Variants in LYRM7 observed in about 807,000 individuals in gnomAD.
LYRM7 encodes LYR motif containing 7.
A neutral mutation model predicts 15.8 loss-of-function variants in LYRM7; 9 were observed. The ratio of observed to expected loss-of-function variants is 0.57; its 90% confidence interval spans 0.34 to 0.99. The LOEUF (loss-of-function observed/expected upper bound fraction) is 0.99, where lower values mean the gene tolerates loss of function less well. Ranked by LOEUF, LYRM7 falls within the 50% of genes least tolerant of loss-of-function variation. LYRM7 has a pLI of 0.02. For missense variants in LYRM7, 115 were observed against 119.1 expected (o/e 0.97, Z 0.16); for synonymous variants, 39 against 39.4 (o/e 0.99, Z 0.04).
At chr5:131,183,123 T>C (rs937830719) in intron 3 of LYRM7, among the ~76,000 whole-genome samples, 2 of 151,538 alleles carry the variant, frequency 1.3e-5, no homozygotes, top group African/African-American at 2.4e-5. Flanking sequence ...TCCAGATGTT[T>C]AAAAAAAACT....
chr5:131,174,891 C>A (rs909902814), intron 1 of LYRM7, among the ~76,000 whole-genome samples: 2 of 152,056 alleles, frequency 1.3e-5, no homozygotes, highest in African/African-American at 4.8e-5. Context: ...CCTTGACCTG[C>A]GGGGCTGCAA....
chr5:131,199,917 T>C lies in LYRM7; in HGVS notation c.*316T>C, dbSNP rs1325661849. 1.2e-5 allele frequency: 2 copies of C among 170,306 alleles called. No homozygotes were observed. The highest frequency in any genetic ancestry group is 3.0e-4 in the East Asian group (2 of 6,620). 10.5% of individuals were successfully genotyped at this position (170,306 alleles called of 1,614,324 possible). A position where few individuals can be genotyped will look rare whatever the true frequency, so the allele number is the denominator to read the frequency against. ...TGAGTATTTGATCTTACCATAGCTA[T>C]TTGAGAATGTGGTGCTTTTACAAAT... On this transcript the variant is annotated 3_prime_UTR_variant, in exon 5 of 5. Coordinates refer to ENST00000379380, the MANE Select transcript of LYRM7 (RefSeq NM_181705.4).
Position 131,182,280 on chromosome 5 carries a change from C to T in LYRM7, c.143C>T (p.Ser48Phe), listed in dbSNP as rs767824191. ...EEFKNNKSET[S>F]SKKIEELMKI... The stretch of plus-strand genomic sequence containing the variant: ...TTCAAAAATAATAAAAGTGAAACTT[C>T]TTCTAAGAAAATAGAAGAGGTACAG... The change falls in exon 3 of 5, where the codon TCT (serine) becomes TTT (phenylalanine). Residue 48 changes from serine to phenylalanine, a missense_variant. Ser to Phe is a radical substitution (Grantham distance 155, BLOSUM62 -2). Transcript: ENST00000379380. 7.0e-7 allele frequency: 1 copy of T among 1,420,838 alleles called. No homozygotes were observed. Among genetic ancestry groups the T allele is most frequent in the South Asian group, 1.3e-5 (1 of 78,896 alleles). The allele number at this position is 1,420,838 out of a possible 1,614,324, so 88.0% of individuals were successfully genotyped here. A position where few individuals can be genotyped will look rare whatever the true frequency, so the allele number is the denominator to read the frequency against.
At chr5:131,180,787 T>G (rs907827922) in intron 2 of LYRM7, among the ~76,000 whole-genome samples, 1 of 152,196 alleles carries the variant, frequency 6.6e-6, no homozygotes, top group Non-Finnish European at 1.5e-5. Flanking sequence ...ATGTATTGTA[T>G]TATATGTACT....
At chr5:131,198,843 T>C (rs1400719682) in intron 4 of LYRM7, among the ~76,000 whole-genome samples, 1 of 151,974 alleles carries the variant, frequency 6.6e-6, no homozygotes, top group Admixed American at 6.6e-5. Flanking sequence ...AGTTCTAGGA[T>C]TACAGCCGTG....
At chr5:131,192,567 A>G (rs2149664945) in intron 4 of LYRM7, among the ~76,000 whole-genome samples, 1 of 152,330 alleles carries the variant, frequency 6.6e-6, no homozygotes, top group South Asian at 2.1e-4. Flanking sequence ...TAAAAATAAT[A>G]AAAGGAAAAC....
At position 131,203,342 on chromosome 5, in the gene LYRM7, G is replaced by A. The variant is rs899079889; in HGVS notation, c.*3741G>A. 6 of 152,210 alleles carry A rather than the reference G, an allele frequency of 3.9e-5. No homozygotes were observed. The highest frequency in any genetic ancestry group is 1.2e-4 in the African/African-American group (5 of 41,454). The allele number at this position is 152,210 out of a possible 1,614,324, so 9.4% of individuals were successfully genotyped here. On this transcript the variant is annotated 3_prime_UTR_variant, in exon 5 of 5. Transcript: ENST00000379380. ...AATAAGCTATAACACTTAAAAAGGA[G>A]AGATATACTATGTTCCTAGATAGGA...
chr5:131,189,310 G>T (rs187300955), intron 4 of LYRM7, among the ~76,000 whole-genome samples: 6 of 152,036 alleles, frequency 3.9e-5, no homozygotes, highest in African/African-American at 1.4e-4. Flanking sequence ...AGGCATGGTG[G>T]TGGGCACCTA....
rs113642581 is a variant in LYRM7 at position 131,180,118 on chromosome 5, G to A, written c.42G>A (p.Leu14=). 0.038 allele frequency: 61,775 copies of A among 1,611,338 alleles called. 1,436 individuals are homozygous for A. Among genetic ancestry groups the A allele is most frequent in the Non-Finnish European group, 0.043 (50,631 of 1,177,920 alleles). Residue 14 remains leucine, a synonymous_variant, in exon 2 of 5, where the codon CTG becomes CTA. Transcript: ENST00000379380. The stretch of plus-strand genomic sequence containing the variant: ...AGGTTTTACAGCTCTTTAAAACACT[G>A]CACAGGACCAGACAACAAGTTTTTA... ...AVKVLQLFKT[L]HRTRQQVFKN...
chr5:131,183,657 T>C (rs1263459968), intron 3 of LYRM7, among the ~76,000 whole-genome samples: 1 of 152,156 alleles, frequency 6.6e-6, no homozygotes, highest in Non-Finnish European at 1.5e-5. Context: ...ATAATTGCTT[T>C]GTTATTAGAG....
At chr5:131,188,409 TA>T (rs760021801) in intron 4 of LYRM7, among the ~76,000 whole-genome samples, 6,198 of 129,382 alleles carry the variant, frequency 0.048, 301 homozygotes, top group African/African-American at 0.13. Flanking sequence ...AAGCCACATG[TA>T]AAAAAAAAAA....
chr5:131,181,626 A>G (rs1356810448), intron 2 of LYRM7, among the ~76,000 whole-genome samples: 1 of 151,442 alleles, frequency 6.6e-6, no homozygotes, highest in African/African-American at 2.4e-5. Context: ...TAAGCACTTT[A>G]TACGGATTGT....
intron 2 of LYRM7, among the ~76,000 whole-genome samples, chr5:131,181,041 A>C (rs1312987220): frequency 6.6e-6 from 1 of 151,482 alleles, no homozygotes; most frequent in African/African-American, 2.4e-5. Flanking sequence ...CTGTAATCCC[A>C]GCACTTTGGG....
intron 4 of LYRM7, among the ~76,000 whole-genome samples, chr5:131,191,058 T>C (rs918747840): frequency 5.3e-5 from 8 of 152,008 alleles, no homozygotes; most frequent in Admixed American, 1.3e-4. Context: ...TATCCTTTGG[T>C]TTTATGTATA....
At position 131,182,304 on chromosome 5, in the gene LYRM7, A is replaced by C. The variant is rs1755726579; in HGVS notation, c.162+5A>C. ...TCTTCTAAGAAAATAGAAGAGGTAC[A>C]GTAATTTTTTCAATTATAGTAAAAC... On this transcript the variant is annotated splice_donor_5th_base_variant and intron_variant, in intron 3 of 4. Transcript: ENST00000379380. The C allele has an allele frequency of 7.2e-7, 1 of 1,388,592 alleles. No homozygotes were observed. Among genetic ancestry groups the C allele is most frequent in the East Asian group, 2.6e-5 (1 of 37,858 alleles). The allele number at this position is 1,388,592 out of a possible 1,614,324, so 86.0% of individuals were successfully genotyped here.
rs534966412 is a variant in LYRM7, at chr5:131,174,602, T to C, written c.18+3564T>C. On this transcript the variant is annotated intron_variant, in intron 1 of 4. Transcript: ENST00000379380. ...TGGCTCACACCTCTAATCCCAGCAC[T>C]ATGGGAGGCTGAGGTGGGCAGATTG... Among the ~76,000 whole-genome samples the C allele has an allele frequency of 8.5e-5, 13 of 152,250 alleles. No individual in the cohort carries two copies. The South Asian group carries it at 1.5e-3, about 17-fold the overall frequency.
At chr5:131,182,434 C>T (rs1262162087) in intron 3 of LYRM7, 135 bp downstream of exon 3, 10 of 856,220 alleles carry the variant, frequency 1.2e-5, no homozygotes, top group Non-Finnish European at 1.6e-5. Context: ...AGATAACCTT[C>T]ACTTATTTGG....
chr5:131,192,177 G>A (rs1214258903), intron 4 of LYRM7, among the ~76,000 whole-genome samples: 1 of 151,554 alleles, frequency 6.6e-6, no homozygotes, highest in Admixed American at 6.6e-5. Context: ...AATAAGCCAG[G>A]CACAGAACGA....
At chr5:131,173,826 A>G (rs1034567577) in intron 1 of LYRM7, among the ~76,000 whole-genome samples, 2 of 152,250 alleles carry the variant, frequency 1.3e-5, no homozygotes, top group Admixed American at 6.5e-5. Context: ...CAATTATTTG[A>G]GCTTTCAGAA....
Sources: allele counts gnomAD v4.1 joint callset (sites outside exome capture counted in the v4.1 genomes callset), GRCh38; gene constraint gnomAD v4.1.1; transcripts MANE v1.5; gene names NCBI Gene and HGNC (gene_info 2026-07-23, HGNC 2026-07-21).